Variants in COL28A1 observed in about 807,000 individuals in gnomAD.
The protein encoded by COL28A1 is collagen type XXVIII alpha 1 chain.
Under a neutral mutation model 150.2 loss-of-function variants are expected in COL28A1, and 161 were observed. The ratio of observed to expected loss-of-function variants is 1.07; its 90% CI spans 0.94 to 1.22. The LOEUF (loss-of-function observed/expected upper bound fraction) is 1.22. COL28A1 is among the 50% of genes most tolerant of loss of function. The pLI is 0.00. For synonymous variants in COL28A1, 552 were observed against 469.7 expected, an observed-to-expected ratio of 1.18 and a Z score of -2.26; for missense variants, 1,617 against 1,388.3, an observed-to-expected ratio of 1.16 and a Z score of -2.62.
intron 27 of COL28A1, among the ~76,000 whole-genome samples, chr7:7,400,978 GTGTGTGTGTGTGTGTGTGTGTGTGTGT>G: frequency 1.2e-5 from 1 of 81,212 alleles, no homozygotes; most frequent in African/African-American, 4.0e-5. Flanking sequence ...GTATTTGGGT[GTGTGTGTGTGTGTGTGTGTGTGTGTGT>G]GTGTGTGTGT....
At chr7:7,537,468 C>T (rs1782684467), upstream of COL28A1, among the ~76,000 whole-genome samples, 1 of 152,026 alleles carries the variant, frequency 6.6e-6, no homozygotes, top group Non-Finnish European at 1.5e-5. Flanking sequence ...ATTCCAGGAC[C>T]CCTTGTACTT....
At chr7:7,339,117 T>C in the COL28A1 span, among the ~76,000 whole-genome samples, 1 of 152,286 alleles carries the variant, frequency 6.6e-6, no homozygotes, top group East Asian at 1.9e-4. Context: ...TCGTAGATAT[T>C]TGAGTGATAA....
chr7:7,535,142 T>A (rs529680097), intron 1 of COL28A1, among the ~76,000 whole-genome samples: 1 of 152,300 alleles, frequency 6.6e-6, no homozygotes, highest in Non-Finnish European at 1.5e-5. Flanking sequence ...GTGAAAGAAA[T>A]GTGAACCTCT....
chr7:7,491,521 G>C (rs1351148842), intron 11 of COL28A1, among the ~76,000 whole-genome samples: 2 of 152,220 alleles, frequency 1.3e-5, no homozygotes, highest in African/African-American at 2.4e-5. Flanking sequence ...GAGTTCTCAT[G>C]ATTTAAGCCA....
chr7:7,392,718 T>C (rs574178418), intron 27 of COL28A1, among the ~76,000 whole-genome samples: 56 of 152,352 alleles, frequency 3.7e-4, no homozygotes, highest in African/African-American at 1.3e-3. Context: ...CTTTATTTCA[T>C]TAAGTTGATC....
chr7:7,458,142 C>T (rs569377180), intron 15 of COL28A1, among the ~76,000 whole-genome samples: 6 of 152,226 alleles, frequency 3.9e-5, no homozygotes, highest in South Asian at 2.1e-4. Context: ...ATTTGCTGGG[C>T]GCCGTGGCTC....
chr7:7,379,468 C>T (rs1028251415), intron 30 of COL28A1, among the ~76,000 whole-genome samples: 8 of 152,054 alleles, frequency 5.3e-5, no homozygotes, highest in African/African-American at 1.2e-4. Context: ...CTCTGGACCC[C>T]GAGACCACAT....
rs986551962 is a variant in COL28A1, at chr7:7,384,264, A to G, written c.2137-2652T>C. 5.3e-5 allele frequency among the ~76,000 whole-genome samples: 8 copies of G among 152,292 alleles called. No homozygotes were observed. In the East Asian group the frequency reaches 1.2e-3, roughly 22 times the overall value. On this transcript the variant is annotated intron_variant, in intron 27 of 34. Coordinates refer to ENST00000399429, the MANE Select transcript of COL28A1 (RefSeq NM_001037763.3). ...AATGGGTATGCAGTGTTGCACTACAATGTCTTGGGCCCACCTAAGGAGGCT... is the reference window on the plus strand; with the variant it reads ...AATGGGTATGCAGTGTTGCACTACAGTGTCTTGGGCCCACCTAAGGAGGCT...
chr7:7,346,556 A>G, the COL28A1 span, among the ~76,000 whole-genome samples: 1 of 152,150 alleles, frequency 6.6e-6, no homozygotes, highest in East Asian at 1.9e-4. Context: ...AACATACAGA[A>G]AATACCAGAA....
Position 7,358,351 on chromosome 7 carries a change from C to A in COL28A1, c.*282G>T, listed in dbSNP as rs1036782008. 3.5e-6 allele frequency: 1 copy of A among 282,488 alleles called. No homozygotes were observed. The highest frequency in any genetic ancestry group is 5.0e-5 in the Admixed American group (1 of 20,162). The allele number at this position is 282,488 out of a possible 1,614,324, so 17.5% of individuals were successfully genotyped here. A position where few individuals can be genotyped will look rare whatever the true frequency, so the allele number is the denominator to read the frequency against. On this transcript the variant is annotated 3_prime_UTR_variant, in exon 35 of 35. Transcript: ENST00000399429. ...TTGCAGGTTGTGAAGTAGATAGAGT[C>A]TGTGTATTGAAGTTACACAGCTCTA...
chr7:7,464,318 A>C (rs1787879442), intron 15 of COL28A1, among the ~76,000 whole-genome samples: 1 of 152,222 alleles, frequency 6.6e-6, no homozygotes, highest in African/African-American at 2.4e-5. Flanking sequence ...CGGACTTAAC[A>C]GATACTTACA....
chr7:7,450,814 G>C (rs1366708342), intron 18 of COL28A1, among the ~76,000 whole-genome samples: 1 of 152,062 alleles, frequency 6.6e-6, no homozygotes, highest in Non-Finnish European at 1.5e-5. Context: ...TATAAAATGA[G>C]ATATTTTCAT....
At chr7:7,351,719 AT>A (rs1426197807), downstream of COL28A1, among the ~76,000 whole-genome samples, 2 of 152,110 alleles carry the variant, frequency 1.3e-5, no homozygotes, top group African/African-American at 2.4e-5. Flanking sequence ...TCAGTCCAAT[AT>A]TTTAAAAATT....
At chr7:7,437,837 G>T (rs1785453815) in intron 21 of COL28A1, among the ~76,000 whole-genome samples, 1 of 152,110 alleles carries the variant, frequency 6.6e-6, no homozygotes, top group African/African-American at 2.4e-5. Context: ...ATGTTTTAGG[G>T]TGTACTTCTA....
chr7:7,359,024 C>T (rs975311408), intron 34 of COL28A1, among the ~76,000 whole-genome samples: 2 of 151,962 alleles, frequency 1.3e-5, no homozygotes, highest in Non-Finnish European at 2.9e-5. Context: ...CTTTTGAAAA[C>T]ATGAAAGTTT....
chr7:7,358,374 C>CT lies in COL28A1; in HGVS notation c.*258dup. ...GTCTGTGTATTGAAGTTACACAGCT[C>CT]TAAGTCTAAATCCTCAGCTCTGAAA... On this transcript the variant is annotated 3_prime_UTR_variant, in exon 35 of 35. Transcript: ENST00000399429. The CT allele has an allele frequency of 2.8e-6, 1 of 362,082 alleles. No homozygotes were observed. 22.4% of individuals were successfully genotyped at this position (362,082 alleles called of 1,614,324 possible).
At position 7,515,275 on chromosome 7, in the gene COL28A1, C is replaced by T. The variant is rs75436181; in HGVS notation, c.882+539G>A. Among the ~76,000 whole-genome samples the T allele has an allele frequency of 4.3e-3, 654 of 152,246 alleles. 8 individuals are homozygous for T. Among genetic ancestry groups the T allele is most frequent in the African/African-American group, 0.015 (607 of 41,540 alleles). ...CAGTTTGGTATCCTAACTTGTAACT[C>T]GCAAATAATCATCAAATCATCTACC... is the stretch of plus-strand genomic sequence containing the variant. On this transcript the variant is annotated intron_variant, in intron 8 of 34. Transcript: ENST00000399429.
At chr7:7,375,560 T>C in intron 30 of COL28A1, 63 bp from the exon 31 acceptor site, 2 of 1,085,200 alleles carry the variant, frequency 1.8e-6, no homozygotes, top group Non-Finnish European at 2.6e-6. Context: ...CCTAGAGCCA[T>C]AAAAGATATC....
chr7:7,477,278 T>G lies in COL28A1; in HGVS notation c.1165-98A>C, dbSNP rs17519676. 5.8e-3 allele frequency: 4,252 copies of G among 736,362 alleles called. 23 individuals carry two copies. The highest frequency in any genetic ancestry group is 0.016 in the East Asian group (624 of 38,782). The allele number at this position is 736,362 out of a possible 1,614,324, so 45.6% of individuals were successfully genotyped here. A position where few individuals can be genotyped will look rare whatever the true frequency, so the allele number is the denominator to read the frequency against. ...AGAGGAAGAAAGAGAATGGTTATAT[T>G]TCAGTTTACATGCCAAAAAAAAATG... is the stretch of plus-strand genomic sequence containing the variant. On this transcript the variant is annotated intron_variant, in intron 13 of 34. Transcript: ENST00000399429.
Sources: gnomAD v4.1 joint callset for allele counts (sites outside exome capture counted in the v4.1 genomes callset) on GRCh38, gnomAD v4.1.1 for gene constraint, MANE v1.5 for transcripts, NCBI Gene and HGNC (gene_info 2026-07-23, HGNC 2026-07-21) for gene names.